Variants in ATP6V1F observed in about 807,000 individuals in gnomAD.
ATP6V1F encodes V-type proton ATPase subunit F.
Under a neutral mutation model 6.6 loss-of-function variants are expected in ATP6V1F, and 4 were observed. That is an observed-to-expected ratio of 0.60 (90% CI 0.30 to 1.38). The LOEUF is 1.38. Among genes scored for constraint, ATP6V1F ranks in the 40% most tolerant of loss-of-function variants. The pLI is 0.08. For missense variants in ATP6V1F, 136 were observed against 165.5 expected, an observed-to-expected ratio of 0.82 and a Z score of 0.98; for synonymous variants, 68 against 66.9, an observed-to-expected ratio of 1.02 and a Z score of -0.08.
chr7:128,864,860 GAT>G (rs1563008571), intron 1 of ATP6V1F: 35 of 432,890 alleles, frequency 8.1e-5, no homozygotes, highest in African/African-American at 7.3e-4. Context: ...TGTATATATA[GAT>G]AGAGAGAGAG....
At position 128,865,209 on chromosome 7, in the gene ATP6V1F, G is replaced by A. The variant is rs1429906677; in HGVS notation, c.159-168G>A. On this transcript the variant is annotated intron_variant, in intron 1 of 1. Transcript: ENST00000249289. This position sits in a 1 kb window ranked among gnomAD's most constrained non-coding sequence, Gnocchi z 4.4. ...TGGGATGAAATTGATTCTAGGTAGGGTTGACAGAGGGTTGAGCGTGGCAGC... is the reference window on the plus strand; with the variant it reads ...TGGGATGAAATTGATTCTAGGTAGGATTGACAGAGGGTTGAGCGTGGCAGC... The A allele has an allele frequency of 2.6e-6, 4 of 1,539,484 alleles. No individual in the cohort carries two copies. The highest frequency in any genetic ancestry group is 2.4e-5 in the South Asian group (2 of 84,124).
At position 128,865,430 on chromosome 7, in the gene ATP6V1F, C is replaced by T. The variant is rs1310527190; in HGVS notation, c.212C>T (p.Ala71Val). 1 of 1,614,096 alleles carries T rather than the reference C, an allele frequency of 6.2e-7. No individual in the cohort carries two copies. The highest frequency in any genetic ancestry group is 8.5e-7 in the Non-Finnish European group (1 of 1,180,058). The change falls in exon 2 of 2, where the codon GCA (alanine) becomes GTA (valine). Residue 71 changes from alanine to valine, a missense_variant. By Grantham distance (64) the Ala-to-Val change is moderately conservative. Coordinates refer to ENST00000249289, the MANE Select transcript of ATP6V1F (RefSeq NM_004231.4). This position sits in a 1 kb window ranked among gnomAD's most constrained non-coding sequence, Gnocchi z 4.4. ...IGIILINQYI[A>V]EMVRHALDAH... ...ATCATCCTCATCAACCAGTACATCG[C>T]AGAGATGGTGCGGCATGCCCTGGAC...
Position 128,862,946 on chromosome 7 carries a change from G to A in ATP6V1F, c.42G>A (p.Glu14=). ...AGCTCATCGCAGTGATCGGAGACGAGGACACGGTGACTGGTTTCCTGCTGG... is the reference window on the plus strand; with the variant it reads ...AGCTCATCGCAGTGATCGGAGACGAAGACACGGTGACTGGTTTCCTGCTGG... ...RGKLIAVIGD[E]DTVTGFLLGG... is the part of the protein sequence containing the mutation. Residue 14 remains glutamate (E), a synonymous_variant, in exon 1 of 2, where the codon GAG becomes GAA. Coordinates refer to ENST00000249289, the MANE Select transcript of ATP6V1F (RefSeq NM_004231.4). The A allele has an allele frequency of 6.2e-7, 1 of 1,613,246 alleles. No homozygotes were observed. The highest frequency in any genetic ancestry group is 8.5e-7 in the Non-Finnish European group (1 of 1,179,616).
rs1340069941 is a variant in ATP6V1F at position 128,865,525 on chromosome 7, G to T, written c.307G>T (p.Asp103Tyr). 1 of 1,614,076 alleles carries T rather than the reference G, an allele frequency of 6.2e-7. No homozygotes were observed. The highest frequency in any genetic ancestry group is 1.7e-5 in the Admixed American group (1 of 60,026). ...SKEHPYDAAK[D>Y]SILRRARGMF... is the part of the protein sequence containing the mutation. ...GGAGCACCCATATGACGCCGCCAAG[G>T]ACTCCATCCTGCGCAGGGCCAGGGG... The change falls in exon 2 of 2, where the codon GAC becomes TAC. Residue 103 changes from aspartate to tyrosine, a missense_variant. By Grantham distance (160) the Asp-to-Tyr change is radical. Transcript: ENST00000249289. The surrounding 1 kb of genome is among the most constrained non-coding windows in gnomAD (Gnocchi z 4.4).
Position 128,863,571 on chromosome 7 carries a change from G to A in ATP6V1F, c.158+509G>A, listed in dbSNP as rs141874099. Among the ~76,000 whole-genome samples, 197 of 152,286 alleles carry A rather than the reference G, an allele frequency of 1.3e-3. 1 individual carries two copies. The highest frequency in any genetic ancestry group is 4.5e-3 in the African/African-American group (188 of 41,552). On this transcript the variant is annotated intron_variant, in intron 1 of 1. Coordinates refer to ENST00000249289, the MANE Select transcript of ATP6V1F (RefSeq NM_004231.4). ...GGCCTCGGAATTTCCTTGTAGTCTT[G>A]AGCACAGTAGGCAGAAATGTCGGGA...
chr7:128,864,796 G>GTA (rs1337986076), intron 1 of ATP6V1F: 13 of 268,152 alleles, frequency 4.8e-5, no homozygotes, highest in African/African-American at 1.6e-4. Flanking sequence ...TTTTTTGTGT[G>GTA]TATATATATA....
intron 1 of ATP6V1F, chr7:128,864,954 C>T (rs950432926): frequency 1.7e-5 from 11 of 643,504 alleles, no homozygotes; most frequent in African/African-American, 9.0e-5. Context: ...CCACCTGCCT[C>T]GGCCTCCCAA....
At chr7:128,864,110 G>A (rs1280795378) in intron 1 of ATP6V1F, among the ~76,000 whole-genome samples, 1 of 152,198 alleles carries the variant, frequency 6.6e-6, no homozygotes, top group African/African-American at 2.4e-5. Flanking sequence ...TTTGGAGGCC[G>A]AGGCGGGTGG....
At chr7:128,864,997 C>A in intron 1 of ATP6V1F, 1 of 857,102 alleles carries the variant, frequency 1.2e-6, no homozygotes, top group Non-Finnish European at 1.9e-6. Flanking sequence ...GCCATCACAG[C>A]TGGCCTTCAG....
At position 128,865,163 on chromosome 7, in the gene ATP6V1F, A is replaced by C; in HGVS notation, c.159-214A>C. 6.5e-7 allele frequency: 1 copy of C among 1,536,356 alleles called. No homozygotes were observed. Among genetic ancestry groups the C allele is most frequent in the Non-Finnish European group, 8.7e-7 (1 of 1,146,944 alleles). ...GGGCAGTGTTGTAGAAGCCAACCCT[A>C]ATCAGCGTGACCCTCCGCTTTGGGA... On this transcript the variant is annotated intron_variant, in intron 1 of 1. Coordinates refer to ENST00000249289, the MANE Select transcript of ATP6V1F (RefSeq NM_004231.4). This position sits in a 1 kb window ranked among gnomAD's most constrained non-coding sequence, Gnocchi z 4.4.
At position 128,863,077 on chromosome 7, in the gene ATP6V1F, G is replaced by A. The variant is rs1247930738; in HGVS notation, c.158+15G>A. 6.2e-7 allele frequency: 1 copy of A among 1,603,752 alleles called. No homozygotes were observed. The highest frequency in any genetic ancestry group is 8.5e-7 in the Non-Finnish European group (1 of 1,175,652). ...GACACTTTCCGGTACGGTACCGCGCGAGGCCTGAACGGGCCCTTCTGCTGC... is the reference window on the plus strand; with the variant it reads ...GACACTTTCCGGTACGGTACCGCGCAAGGCCTGAACGGGCCCTTCTGCTGC... On this transcript the variant is annotated intron_variant, in intron 1 of 1. Coordinates refer to ENST00000249289, the MANE Select transcript of ATP6V1F (RefSeq NM_004231.4).
In ATP6V1F at chr7:128,865,465, C is replaced by G; in HGVS notation, c.247C>G (p.Gln83Glu). The part of the protein sequence containing the change: ...MVRHALDAHQ[Q>E]SIPAVLEIPS... ...GCGGCATGCCCTGGACGCCCACCAG[C>G]AGTCCATCCCCGCTGTCCTGGAGAT... The change falls in exon 2 of 2, where the codon CAG becomes GAG. Residue 83 changes from glutamine (Q) to glutamate (E), a missense_variant. Physicochemically the swap from Gln to Glu is conservative, Grantham distance 29 (BLOSUM62 2). Transcript: ENST00000249289. The surrounding 1 kb of genome is among the most constrained non-coding windows in gnomAD (Gnocchi z 4.4). 6.2e-7 allele frequency: 1 copy of G among 1,614,190 alleles called. No homozygotes were observed. Among genetic ancestry groups the G allele is most frequent in the Non-Finnish European group, 8.5e-7 (1 of 1,180,036 alleles).
intron 1 of ATP6V1F, among the ~76,000 whole-genome samples, chr7:128,864,593 T>C (rs1809342426): frequency 6.6e-6 from 1 of 150,388 alleles, no homozygotes; most frequent in African/African-American, 2.5e-5. Context: ...TAAAAGTTAA[T>C]GTGTCTTTTT....
At chr7:128,863,542 AGGC>A (rs2128941696) in intron 1 of ATP6V1F, among the ~76,000 whole-genome samples, 1 of 152,200 alleles carries the variant, frequency 6.6e-6, no homozygotes, top group East Asian at 1.9e-4. Context: ...AGGTCTCCTC[AGGC>A]GGCCTCGGAA....
At position 128,865,075 on chromosome 7, in the gene ATP6V1F, A is replaced by G; in HGVS notation, c.159-302A>G. On this transcript the variant is annotated intron_variant, in intron 1 of 1. Transcript: ENST00000249289. This position sits in a 1 kb window ranked among gnomAD's most constrained non-coding sequence, Gnocchi z 4.4. ...CTTCCCCTTTCTGACACATCACTGCATATTGAATACACCAGTGTGCACCCT... is the reference window on the plus strand; with the variant it reads ...CTTCCCCTTTCTGACACATCACTGCGTATTGAATACACCAGTGTGCACCCT... 7.0e-7 allele frequency: 1 copy of G among 1,422,610 alleles called. No individual in the cohort carries two copies. The highest frequency in any genetic ancestry group is 9.6e-7 in the Non-Finnish European group (1 of 1,043,376). The allele number at this position is 1,422,610 out of a possible 1,614,324, so 88.1% of individuals were successfully genotyped here.
chr7:128,864,611 T>G (rs1238146546), intron 1 of ATP6V1F, among the ~76,000 whole-genome samples: 2 of 151,318 alleles, frequency 1.3e-5, no homozygotes, highest in Non-Finnish European at 3.0e-5. Context: ...TTTTTTTTTT[T>G]TTTTCTGAGA....
Position 128,865,093 on chromosome 7 carries a change from T to C in ATP6V1F, c.159-284T>C. On this transcript the variant is annotated intron_variant, in intron 1 of 1. Coordinates refer to ENST00000249289, the MANE Select transcript of ATP6V1F (RefSeq NM_004231.4). The surrounding 1 kb of genome is among the most constrained non-coding windows in gnomAD (Gnocchi z 4.4). ...TCACTGCATATTGAATACACCAGTG[T>C]GCACCCTAATCAATCTTCATTACCA... 2 of 1,513,062 alleles carry C rather than the reference T, an allele frequency of 1.3e-6. No homozygotes were observed. The allele number at this position is 1,513,062 out of a possible 1,614,324, so 93.7% of individuals were successfully genotyped here.
chr7:128,865,761 A>T lies in ATP6V1F; in HGVS notation c.*183A>T. On this transcript the variant is annotated 3_prime_UTR_variant, in exon 2 of 2. Coordinates refer to ENST00000249289, the MANE Select transcript of ATP6V1F (RefSeq NM_004231.4). This position sits in a 1 kb window ranked among gnomAD's most constrained non-coding sequence, Gnocchi z 4.4. Reference sequence around the variant, plus strand: ...TGCTGGTTAAGGAACAGGAAGCCTGACCATCTCCCTCCACTACCTCTTCCC... The same window carrying T: ...TGCTGGTTAAGGAACAGGAAGCCTGTCCATCTCCCTCCACTACCTCTTCCC... 1 of 620,548 alleles carries T rather than the reference A, an allele frequency of 1.6e-6. No individual in the cohort carries two copies. Among genetic ancestry groups the T allele is most frequent in the Non-Finnish European group, 2.8e-6 (1 of 356,170 alleles). The allele number at this position is 620,548 out of a possible 1,614,324, so 38.4% of individuals were successfully genotyped here.
chr7:128,865,545 C>T lies in ATP6V1F; in HGVS notation c.327C>T (p.Ala109=). Residue 109 remains alanine, a synonymous_variant, in exon 2 of 2, where the codon GCC becomes GCT. Transcript: ENST00000249289. The surrounding 1 kb of genome is among the most constrained non-coding windows in gnomAD (Gnocchi z 4.4). ...DAAKDSILRR[A]RGMFTAEDLR Reference sequence around the variant, plus strand: ...CCAAGGACTCCATCCTGCGCAGGGCCAGGGGCATGTTCACTGCCGAAGACC... The same window carrying T: ...CCAAGGACTCCATCCTGCGCAGGGCTAGGGGCATGTTCACTGCCGAAGACC... The T allele has an allele frequency of 6.2e-7, 1 of 1,614,048 alleles. No homozygotes were observed. The highest frequency in any genetic ancestry group is 8.5e-7 in the Non-Finnish European group (1 of 1,180,030).
Sources: gnomAD v4.1 joint callset for allele counts (sites outside exome capture counted in the v4.1 genomes callset) on GRCh38, gnomAD v4.1.1 for gene constraint, Gnocchi (gnomAD v3.1) non-coding constraint, MANE v1.5 for transcripts, NCBI Gene and HGNC (gene_info 2026-07-23, HGNC 2026-07-21) for gene names.